Variants in NICN1 observed in about 807,000 individuals in gnomAD.
NICN1 encodes nicolin-1.
NICN1 carries 18 observed loss-of-function variants against 26.3 expected under a neutral mutation model. The observed-to-expected ratio is 0.68, with a 90% confidence interval of 0.47 to 1.01. NICN1 has a LOEUF of 1.01. Among genes scored for constraint, NICN1 ranks in the 50% least tolerant of loss-of-function variants. The probability of loss-of-function intolerance (pLI) is 0.00; values close to 1 mark genes in which losing one functional copy is unlikely to be tolerated. For synonymous variants in NICN1, 109 were observed against 111.0 expected, an observed-to-expected ratio of 0.98 and a Z score of 0.11; for missense variants, 239 against 278.3, an observed-to-expected ratio of 0.86 and a Z score of 1.00.
At position 49,423,475 on chromosome 3, in the gene NICN1, G is replaced by C. The variant is rs1013522774; in HGVS notation, c.*1358C>G. On this transcript the variant is annotated 3_prime_UTR_variant, in exon 6 of 6. Transcript: ENST00000273598. ...TGAGCATATCTCTTGGAAAGGGGCA[G>C]GGCGGGCGCGGTGGCTCATGCCTGT... 6.6e-6 allele frequency: 1 copy of C among 152,414 alleles called. No individual in the cohort carries two copies. Among genetic ancestry groups the C allele is most frequent in the Non-Finnish European group, 1.5e-5 (1 of 68,240 alleles). 9.4% of individuals were successfully genotyped at this position (152,414 alleles called of 1,614,324 possible).
intron 1 of NICN1, among the ~76,000 whole-genome samples, chr3:49,427,462 G>A (rs2049183237): frequency 6.6e-6 from 1 of 151,408 alleles, no homozygotes; most frequent in Admixed American, 6.6e-5. Context: ...CCAACATAGT[G>A]AAACCCAATC....
At chr3:49,428,512 G>A (rs546976126) in intron 1 of NICN1, among the ~76,000 whole-genome samples, 20 of 152,038 alleles carry the variant, frequency 1.3e-4, no homozygotes, top group African/African-American at 4.3e-4. Context: ...ACCTGAGGTC[G>A]GGAGTTCCAG....
chr3:49,422,558 G>T lies in NICN1; in HGVS notation c.*2275C>A. 1 of 1,238,784 alleles carries T rather than the reference G, an allele frequency of 8.1e-7. No homozygotes were observed. The highest frequency in any genetic ancestry group is 1.2e-6 in the Non-Finnish European group (1 of 862,730). The allele number at this position is 1,238,784 out of a possible 1,614,324, so 76.7% of individuals were successfully genotyped here. On this transcript the variant is annotated 3_prime_UTR_variant, in exon 6 of 6. Transcript: ENST00000273598. ...CGGACAGGTCTCTCTCCGGAGCAAA[G>T]GATCTGAAGGGGGCGTGGGCAGCCC...
chr3:49,426,438 ATACAACCCAT>A lies in NICN1; in HGVS notation c.133-20_133-11del. The stretch of plus-strand genomic sequence containing the variant: ...ACGTGATTTCCTGCAACTAGAACAC[ATACAACCCAT>A]TACAACAAGTCAGACCCAGGCCCAG... On this transcript the variant is annotated splice_polypyrimidine_tract_variant and intron_variant, in intron 1 of 5. Transcript: ENST00000273598. 6.2e-7 allele frequency: 1 copy of A among 1,613,104 alleles called. No individual in the cohort carries two copies. The highest frequency in any genetic ancestry group is 8.5e-7 in the Non-Finnish European group (1 of 1,179,246).
In NICN1 at chr3:49,429,317, G is replaced by A; in HGVS notation, c.-78C>T. On this transcript the variant is annotated 5_prime_UTR_variant, in exon 1 of 6. Transcript: ENST00000273598. Reference sequence around the variant, plus strand: ...AGCCCTTCCCGGCATCCTCAGCCGAGCCTCAAGAACTACAAATCCCGGGAG... The same window carrying A: ...AGCCCTTCCCGGCATCCTCAGCCGAACCTCAAGAACTACAAATCCCGGGAG... 2.7e-6 allele frequency: 4 copies of A among 1,474,456 alleles called. No individual in the cohort carries two copies. Among genetic ancestry groups the A allele is most frequent in the Non-Finnish European group, 3.6e-6 (4 of 1,104,874 alleles). The allele number at this position is 1,474,456 out of a possible 1,614,324, so 91.3% of individuals were successfully genotyped here. A position where few individuals can be genotyped will look rare whatever the true frequency, so the allele number is the denominator to read the frequency against.
At chr3:49,426,520 C>T in intron 1 of NICN1, 92 bp from the exon 2 acceptor site, 1 of 931,954 alleles carries the variant, frequency 1.1e-6, no homozygotes, top group Non-Finnish European at 1.6e-6. Context: ...TTCCTTCTCC[C>T]CACCTTTTCT....
intron 1 of NICN1, among the ~76,000 whole-genome samples, chr3:49,428,882 G>A (rs1211426960): frequency 6.6e-6 from 1 of 152,148 alleles, no homozygotes. Context: ...GCATGCCAGC[G>A]CTGTCCTGGA....
rs1301097035 is a variant in NICN1 at position 49,423,549 on chromosome 3, G to A, written c.*1284C>T. 1 of 152,292 alleles carries A rather than the reference G, an allele frequency of 6.6e-6. No individual in the cohort carries two copies. Among genetic ancestry groups the A allele is most frequent in the African/African-American group, 2.4e-5 (1 of 41,446 alleles). The allele number at this position is 152,292 out of a possible 1,614,324, so 9.4% of individuals were successfully genotyped here. A position where few individuals can be genotyped will look rare whatever the true frequency, so the allele number is the denominator to read the frequency against. ...AGGCAGGCAGATCACCTGAGGTCAG[G>A]TGTTTGAGACCAGCCTGACCAACAT... On this transcript the variant is annotated 3_prime_UTR_variant, in exon 6 of 6. Coordinates refer to ENST00000273598, the MANE Select transcript of NICN1 (RefSeq NM_032316.3).
Position 49,424,781 on chromosome 3 carries a change from A to G in NICN1, c.*52T>C, listed in dbSNP as rs143705175. 3.0e-5 allele frequency: 46 copies of G among 1,526,882 alleles called. No individual in the cohort carries two copies. In the African/African-American group the frequency reaches 5.3e-4, roughly 18 times the overall value. 94.6% of individuals were successfully genotyped at this position (1,526,882 alleles called of 1,614,324 possible). On this transcript the variant is annotated 3_prime_UTR_variant, in exon 6 of 6. Coordinates refer to ENST00000273598, the MANE Select transcript of NICN1 (RefSeq NM_032316.3). ...TACACTTCAGCCTCTGGTGGCCCAA[A>G]CCAAGTCTGGGTGGGCACAGAAAGG...
chr3:49,428,398 GGTAA>G (rs1331383285), intron 1 of NICN1, among the ~76,000 whole-genome samples: 1 of 152,032 alleles, frequency 6.6e-6, no homozygotes, highest in African/African-American at 2.4e-5. Context: ...ATGGTGATGA[GGTAA>G]GTGACCTCTG....
intron 3 of NICN1, 73 bp from the exon 4 acceptor site, chr3:49,425,511 G>C: frequency 7.6e-7 from 1 of 1,311,268 alleles, no homozygotes; most frequent in Non-Finnish European, 1.1e-6. Flanking sequence ...AAGGTCCTAG[G>C]AGCAGAGAGA....
In NICN1 at chr3:49,422,745, G is replaced by T; in HGVS notation, c.*2088C>A. The T allele has an allele frequency of 1.9e-6, 1 of 532,458 alleles. No individual in the cohort carries two copies. The highest frequency in any genetic ancestry group is 3.4e-6 in the Non-Finnish European group (1 of 291,778). The allele number at this position is 532,458 out of a possible 1,614,324, so 33.0% of individuals were successfully genotyped here. On this transcript the variant is annotated 3_prime_UTR_variant, in exon 6 of 6. Transcript: ENST00000273598. Reference sequence around the variant, plus strand: ...GGGCTAGACCGCCCCCTGCAGAACCGCCCTGTCTCCAGAGGGTCAAAGTTC... The same window carrying T: ...GGGCTAGACCGCCCCCTGCAGAACCTCCCTGTCTCCAGAGGGTCAAAGTTC...
chr3:49,426,197 C>T (rs547889940), intron 2 of NICN1, 55 bp downstream of exon 2: 5 of 1,560,380 alleles, frequency 3.2e-6, no homozygotes, highest in East Asian at 2.3e-5. Flanking sequence ...CCAATCCCCC[C>T]ACCTCTGGTA....
At position 49,424,987 on chromosome 3, in the gene NICN1, G is replaced by C. The variant is rs372441845; in HGVS notation, c.562C>G (p.Arg188Gly). Residue 188 changes from arginine (R) to glycine (G), a missense_variant, in exon 5 of 6, where the codon CGG (arginine) becomes GGG (glycine). Transcript: ENST00000273598. ...QQMWALTEMI[R>G]ASHTSARIGR... Reference sequence around the variant, plus strand: ...ATCCTTGCGGAGGTGTGACTGGCCCGGATCATCTCTGTCAGTGCCCACATC... The same window carrying C: ...ATCCTTGCGGAGGTGTGACTGGCCCCGATCATCTCTGTCAGTGCCCACATC... 1 of 1,614,056 alleles carries C rather than the reference G, an allele frequency of 6.2e-7. No individual in the cohort carries two copies. The highest frequency in any genetic ancestry group is 2.2e-5 in the East Asian group (1 of 44,870).
At position 49,426,443 on chromosome 3, in the gene NICN1, A is replaced by G; in HGVS notation, c.133-15T>C. 1 of 1,611,264 alleles carries G rather than the reference A, an allele frequency of 6.2e-7. No homozygotes were observed. On this transcript the variant is annotated splice_polypyrimidine_tract_variant and intron_variant, in intron 1 of 5. Coordinates refer to ENST00000273598, the MANE Select transcript of NICN1 (RefSeq NM_032316.3). ...ATTTCCTGCAACTAGAACACATACA[A>G]CCCATTACAACAAGTCAGACCCAGG...
intron 2 of NICN1, 121 bp downstream of exon 2, chr3:49,426,131 C>T: frequency 1.7e-6 from 2 of 1,186,598 alleles, no homozygotes; most frequent in South Asian, 1.4e-5. Flanking sequence ...AAGGCACTTC[C>T]CTGGAAGTCA....
chr3:49,425,835 G>T, intron 3 of NICN1, 48 bp downstream of exon 3: 1 of 1,035,656 alleles, frequency 9.7e-7, no homozygotes. Flanking sequence ...CCCAGTCATA[G>T]AAGCTTTCTG....
rs2049137215 is a variant in NICN1, at chr3:49,422,973, A to G, written c.*1860T>C. 4 of 254,326 alleles carry G rather than the reference A, an allele frequency of 1.6e-5. No individual in the cohort carries two copies. The allele number at this position is 254,326 out of a possible 1,614,324, so 15.8% of individuals were successfully genotyped here. ...CATTCCACAAGTATTTATTGATCTT[A>G]CTGCATACCAGGCCCTCAGATGGGG... On this transcript the variant is annotated 3_prime_UTR_variant, in exon 6 of 6. Transcript: ENST00000273598.
At chr3:49,426,217 C>G (rs2049168121) in intron 2 of NICN1, 35 bp downstream of exon 2, 1 of 1,606,254 alleles carries the variant, frequency 6.2e-7, no homozygotes, top group Admixed American at 1.7e-5. Flanking sequence ...AAGTCCTCAT[C>G]TGGGCTGCCC....
Sources: gnomAD v4.1 joint callset for allele counts (sites outside exome capture counted in the v4.1 genomes callset) on GRCh38, gnomAD v4.1.1 for gene constraint, MANE v1.5 for transcripts, NCBI Gene and HGNC (gene_info 2026-07-23, HGNC 2026-07-21) for gene names.